MIA2: variants seen among roughly 807,000 people sequenced by gnomAD.
The protein encoded by MIA2 is melanoma inhibitory activity protein 2.
In MIA2, 127 loss-of-function variants were observed where a neutral mutation model predicts 167.8. The observed-to-expected ratio is 0.76, with a 90% CI of 0.66 to 0.88. The LOEUF (loss-of-function observed/expected upper bound fraction) is 0.88. Ranked by LOEUF, MIA2 falls within the 40% of genes least tolerant of loss-of-function variation. The probability of loss-of-function intolerance (pLI) is 0.00; values close to 1 mark genes in which losing one functional copy is unlikely to be tolerated. For missense variants in MIA2, 1,690 were observed against 1,624.7 expected (o/e 1.04, Z -0.69); for synonymous variants, 552 against 541.9 (o/e 1.02, Z -0.26).
At position 39,325,722 on chromosome 14, in the gene MIA2, G is replaced by GT. The variant is rs1302479833; in HGVS notation, c.3497-1133dup. On this transcript the variant is annotated intron_variant, in intron 24 of 28. Transcript: ENST00000640607. Reference sequence around the variant, plus strand: ...TAGTTGAATATGGGTTTTGTTTTTTGTTTTTTTTTGAGATGGAGTCTCACT... The same window carrying GT: ...TAGTTGAATATGGGTTTTGTTTTTTGTTTTTTTTTTGAGATGGAGTCTCACT... Among the ~76,000 whole-genome samples the GT allele has an allele frequency of 2.9e-3, 393 of 134,510 alleles. 1 individual carries two copies. Among genetic ancestry groups the GT allele is most frequent in the Middle Eastern group, 0.028 (6 of 218 alleles). 88.2% of individuals were successfully genotyped at this position (134,510 alleles called of 152,430 possible). A position where few individuals can be genotyped will look rare whatever the true frequency, so the allele number is the denominator to read the frequency against.
chr14:39,328,383 A>G (rs929395763), intron 25 of MIA2, among the ~76,000 whole-genome samples: 2 of 152,138 alleles, frequency 1.3e-5, no homozygotes, highest in Non-Finnish European at 2.9e-5. Flanking sequence ...TCAGATGGAT[A>G]GATTGCAAAA....
chr14:39,323,476 C>T (rs982250704), intron 24 of MIA2, among the ~76,000 whole-genome samples: 1 of 142,842 alleles, frequency 7.0e-6, no homozygotes, highest in African/African-American at 2.6e-5. Flanking sequence ...TTTACCTTGG[C>T]TTACACTAAG....
chr14:39,298,417 A>ATT (rs2061763502), intron 13 of MIA2, among the ~76,000 whole-genome samples: 1 of 20,280 alleles, frequency 4.9e-5, no homozygotes, highest in Non-Finnish European at 9.6e-5. Flanking sequence ...TCTGTTTTAT[A>ATT]TATATATATA....
At chr14:39,298,471 A>ACG (rs1215728399) in intron 13 of MIA2, among the ~76,000 whole-genome samples, 1 of 117,426 alleles carries the variant, frequency 8.5e-6, no homozygotes, top group Non-Finnish European at 1.8e-5. Context: ...TGTTCGGAAT[A>ACG]CGCTAATGAA....
intron 23 of MIA2, among the ~76,000 whole-genome samples, chr14:39,378,509 G>A (rs1595963057): frequency 6.6e-6 from 1 of 152,150 alleles, no homozygotes; most frequent in African/African-American, 2.4e-5. Context: ...AAGGATCAAA[G>A]TAAAACAACA....
At chr14:39,357,878 GC>G (rs2074570864) in intron 23 of MIA2, among the ~76,000 whole-genome samples, 2 of 84,328 alleles carry the variant, frequency 2.4e-5, no homozygotes, top group Non-Finnish European at 4.2e-5. Flanking sequence ...TTGAATATTG[GC>G]CCGCACTCTC....
intron 25 of MIA2, among the ~76,000 whole-genome samples, chr14:39,334,333 G>A (rs1050853109): frequency 6.6e-6 from 1 of 151,910 alleles, no homozygotes; most frequent in African/African-American, 2.4e-5. Context: ...AAATTAGCTG[G>A]GTGTGGTGGC....
At chr14:39,261,251 G>A (rs910711857) in intron 6 of MIA2, among the ~76,000 whole-genome samples, 1 of 151,796 alleles carries the variant, frequency 6.6e-6, no homozygotes, top group African/African-American at 2.4e-5. Flanking sequence ...TTGGTTTTTT[G>A]TTCTTGCGAT....
At chr14:39,298,136 T>C (rs2061694806) in intron 13 of MIA2, among the ~76,000 whole-genome samples, 1 of 152,090 alleles carries the variant, frequency 6.6e-6, no homozygotes. Context: ...TGCCATGTTA[T>C]GATCAAAAGT....
Position 39,252,805 on chromosome 14 carries a change from C to A in MIA2, c.1625C>A (p.Pro542His), listed in dbSNP as rs145399699. ...TRIHEEVYFE[P>H]SSSKDSDENS... The stretch of plus-strand genomic sequence containing the variant: ...ATTCACGAAGAAGTATATTTTGAAC[C>A]CTCATCTTCTAAAGATAGTGATGAA... The change falls in exon 5 of 29, where the codon CCC becomes CAC. Residue 542 changes from proline (P) to histidine (H), a missense_variant. Coordinates refer to ENST00000640607, the MANE Select transcript of MIA2 (RefSeq NM_001329214.4). 14 of 1,613,670 alleles carry A rather than the reference C, an allele frequency of 8.7e-6. No individual in the cohort carries two copies. Among genetic ancestry groups the A allele is most frequent in the Non-Finnish European group, 1.1e-5 (13 of 1,179,832 alleles).
intron 13 of MIA2, among the ~76,000 whole-genome samples, chr14:39,298,306 C>T (rs1176027590): frequency 6.6e-6 from 1 of 150,978 alleles, no homozygotes; most frequent in Non-Finnish European, 1.5e-5. Context: ...ATACTGTATA[C>T]TGTGTACTTA....
At chr14:39,292,982 C>G (rs2060934453) in intron 10 of MIA2, among the ~76,000 whole-genome samples, 1 of 152,102 alleles carries the variant, frequency 6.6e-6, no homozygotes, top group Non-Finnish European at 1.5e-5. Context: ...TTTTGGAACA[C>G]AGCCATGCTC....
chr14:39,309,300 C>A lies in MIA2; in HGVS notation c.3017+713C>A, dbSNP rs544890655. The stretch of plus-strand genomic sequence containing the variant: ...TATGGTCACTCTCGTGCTCAAAATC[C>A]CTGAGTGCCTTTATATCACACTCAA... On this transcript the variant is annotated intron_variant, in intron 18 of 28. Coordinates refer to ENST00000640607, the MANE Select transcript of MIA2 (RefSeq NM_001329214.4). Among the ~76,000 whole-genome samples the A allele has an allele frequency of 6.6e-5, 10 of 152,258 alleles. 1 individual carries two copies. Among genetic ancestry groups the A allele is most frequent in the African/African-American group, 2.4e-4 (10 of 41,550 alleles).
chr14:39,267,607 C>G, intron 6 of MIA2: 1 of 1,510,860 alleles, frequency 6.6e-7, no homozygotes, highest in Non-Finnish European at 9.0e-7. Context: ...GCTTTGGGGT[C>G]TAAGCCGCCG....
chr14:39,267,475 G>A (rs757843486), intron 6 of MIA2: 4 of 1,613,086 alleles, frequency 2.5e-6, no homozygotes, highest in African/African-American at 2.7e-5. Flanking sequence ...GGAGCCCGGG[G>A]TTACCCCTCA....
At chr14:39,285,538 C>T (rs1244575219) in intron 9 of MIA2, among the ~76,000 whole-genome samples, 8 of 147,978 alleles carry the variant, frequency 5.4e-5, no homozygotes. Flanking sequence ...CCACCTCCCT[C>T]CCGGACGGGA....
chr14:39,325,226 T>TC (rs35056684), intron 24 of MIA2, among the ~76,000 whole-genome samples: 55,487 of 150,546 alleles, frequency 0.37, 11,129 homozygotes, highest in Non-Finnish European at 0.45. Context: ...AGACCTTGTC[T>TC]CAAAAAAAAA....
At chr14:39,319,568 C>T (rs2066051797) in intron 23 of MIA2, among the ~76,000 whole-genome samples, 1 of 151,754 alleles carries the variant, frequency 6.6e-6, no homozygotes, top group Admixed American at 6.6e-5. Flanking sequence ...AAGCTAGGTG[C>T]TTGGCACATA....
At chr14:39,354,540 G>T (rs147035089), downstream of MIA2, among the ~76,000 whole-genome samples, 8,299 of 152,192 alleles carry the variant, frequency 0.055, 387 homozygotes, top group Non-Finnish European at 0.079. Flanking sequence ...AGTTTCTTTT[G>T]CTGTGCAGAA....
Sources: gnomAD v4.1 joint callset for allele counts (sites outside exome capture counted in the v4.1 genomes callset) on GRCh38, gnomAD v4.1.1 for gene constraint, MANE v1.5 for transcripts, NCBI Gene and HGNC (gene_info 2026-07-23, HGNC 2026-07-21) for gene names.